The following EPHB1 variants were observed in gnomAD, a reference collection of about 807,000 sequenced individuals.
The protein encoded by EPHB1 is ephrin type-B receptor 1.
Under a neutral mutation model 94.4 loss-of-function variants are expected in EPHB1, and 30 were observed. The observed-to-expected ratio is 0.32, with a 90% CI of 0.24 to 0.43. The LOEUF (loss-of-function observed/expected upper bound fraction) is 0.43, where lower values mean the gene tolerates loss of function less well. Among genes scored for constraint, EPHB1 ranks in the 20% least tolerant of loss-of-function variants. The pLI is 1.00. For synonymous variants in EPHB1, 522 were observed against 489.1 expected (o/e 1.07, Z -0.89); for missense variants, 1,055 against 1,308.3 (o/e 0.81, Z 2.99).
At chr3:134,971,009 A>C (rs997812130) in intron 3 of EPHB1, among the ~76,000 whole-genome samples, 2 of 152,298 alleles carry the variant, frequency 1.3e-5, no homozygotes, top group African/African-American at 4.8e-5. Flanking sequence ...AATAATCTTA[A>C]ATTCTAATCA....
At chr3:134,907,887 G>A (rs1458765586) in intron 1 of EPHB1, among the ~76,000 whole-genome samples, 1 of 152,264 alleles carries the variant, frequency 6.6e-6, no homozygotes, top group Non-Finnish European at 1.5e-5. Context: ...TCTCCAGCCT[G>A]CTAGAATGTG....
intron 6 of EPHB1, among the ~76,000 whole-genome samples, chr3:135,155,525 C>T (rs559288489): frequency 5.3e-5 from 8 of 151,914 alleles, no homozygotes; most frequent in African/African-American, 1.2e-4. Flanking sequence ...AAGACTGGGC[C>T]GGGTGCAGTG....
At chr3:134,914,674 G>T (rs573309072) in intron 1 of EPHB1, among the ~76,000 whole-genome samples, 6 of 152,186 alleles carry the variant, frequency 3.9e-5, no homozygotes, top group Non-Finnish European at 5.9e-5. Flanking sequence ...ACAGTAGAAA[G>T]AGGTGATTGA....
chr3:135,217,424 CCACACACACACACACACA>C (rs200312241), intron 12 of EPHB1, among the ~76,000 whole-genome samples: 6 of 143,494 alleles, frequency 4.2e-5, no homozygotes, highest in East Asian at 4.2e-4. Context: ...CCCATCAGTA[CCACACACACACACACACA>C]CACACACACA....
chr3:134,929,730 C>T (rs924384964), intron 2 of EPHB1, among the ~76,000 whole-genome samples: 1 of 152,132 alleles, frequency 6.6e-6, no homozygotes, highest in Non-Finnish European at 1.5e-5. Flanking sequence ...ACCTTGACTT[C>T]AGATTTAAGA....
intron 3 of EPHB1, among the ~76,000 whole-genome samples, chr3:135,013,267 T>G (rs1301181947): frequency 1.3e-5 from 2 of 152,060 alleles, no homozygotes; most frequent in Non-Finnish European, 2.9e-5. Flanking sequence ...CGGGATTGAG[T>G]GAGTAGCAGA....
chr3:135,127,318 G>C (rs538888028), intron 4 of EPHB1, among the ~76,000 whole-genome samples: 1 of 152,320 alleles, frequency 6.6e-6, no homozygotes, highest in African/African-American at 2.4e-5. Flanking sequence ...CACAGAGTAG[G>C]GAGGGCCCCA....
chr3:135,222,850 A>G (rs1943304265), intron 12 of EPHB1, among the ~76,000 whole-genome samples: 1 of 152,226 alleles, frequency 6.6e-6, no homozygotes. Flanking sequence ...AATGCAAATT[A>G]TAATTTACCT....
At chr3:135,050,199 T>C (rs897958435) in intron 3 of EPHB1, among the ~76,000 whole-genome samples, 2 of 152,176 alleles carry the variant, frequency 1.3e-5, no homozygotes, top group African/African-American at 2.4e-5. Flanking sequence ...GGGGATCTTC[T>C]AGGATTAGAT....
At chr3:134,987,661 C>G (rs549634344) in intron 3 of EPHB1, among the ~76,000 whole-genome samples, 3 of 152,176 alleles carry the variant, frequency 2.0e-5, no homozygotes, top group African/African-American at 7.2e-5. Context: ...GTCCCAGTTA[C>G]TCTGGAGGCT....
chr3:135,091,401 A>T (rs796740471), intron 3 of EPHB1, among the ~76,000 whole-genome samples: 7 of 152,256 alleles, frequency 4.6e-5, no homozygotes, highest in Admixed American at 1.3e-4. Flanking sequence ...TGGCAATTCA[A>T]TCACAGGTAG....
At chr3:134,956,423 A>G (rs7635428) in intron 3 of EPHB1, among the ~76,000 whole-genome samples, 21,370 of 152,006 alleles carry the variant, frequency 0.14, 1,686 homozygotes, top group African/African-American at 0.2. Flanking sequence ...TGACAATGCT[A>G]TGCATAATTC....
chr3:134,865,146 T>C (rs1425822402), intron 1 of EPHB1, among the ~76,000 whole-genome samples: 3 of 152,164 alleles, frequency 2.0e-5, no homozygotes, highest in Admixed American at 6.5e-5. Context: ...TATCTATATA[T>C]CTGAAACAAA....
intron 3 of EPHB1, among the ~76,000 whole-genome samples, chr3:135,021,296 A>G (rs951783592): frequency 2.6e-5 from 4 of 152,148 alleles, no homozygotes; most frequent in Non-Finnish European, 4.4e-5. Flanking sequence ...TAATTTGGGA[A>G]TTGATTGTAT....
At chr3:135,220,535 G>T (rs1559880116) in intron 12 of EPHB1, among the ~76,000 whole-genome samples, 1 of 151,456 alleles carries the variant, frequency 6.6e-6, no homozygotes, top group Admixed American at 6.6e-5. Context: ...CATGGATTCT[G>T]CTTGTGAGTG....
intron 9 of EPHB1, among the ~76,000 whole-genome samples, chr3:135,172,478 G>A (rs897606757): frequency 1.3e-5 from 2 of 152,190 alleles, no homozygotes; most frequent in South Asian, 2.1e-4. Flanking sequence ...AGAGATTTCT[G>A]CTTTAGACAG....
At chr3:134,942,118 G>T (rs56040570) in intron 2 of EPHB1, among the ~76,000 whole-genome samples, 6,442 of 152,252 alleles carry the variant, frequency 0.042, 204 homozygotes, top group African/African-American at 0.085. Context: ...ACAAAGACAG[G>T]TTAGCCTGGT....
intron 10 of EPHB1, among the ~76,000 whole-genome samples, chr3:135,180,307 A>C (rs1282881859): frequency 6.6e-6 from 1 of 152,260 alleles, no homozygotes; most frequent in Non-Finnish European, 1.5e-5. Flanking sequence ...AGGCTTTGAA[A>C]GAAATCTACA....
At chr3:135,227,847 C>T (rs1943437326) in intron 12 of EPHB1, among the ~76,000 whole-genome samples, 1 of 152,106 alleles carries the variant, frequency 6.6e-6, no homozygotes, top group African/African-American at 2.4e-5. Flanking sequence ...TATCATTTGA[C>T]CCCATTTCTT....
Sources: allele counts gnomAD v4.1 joint callset (sites outside exome capture counted in the v4.1 genomes callset), GRCh38; gene constraint gnomAD v4.1.1; transcripts MANE v1.5; gene names NCBI Gene and HGNC (gene_info 2026-07-23, HGNC 2026-07-21).